The following SRCIN1 variants were observed in gnomAD, a reference collection of about 807,000 sequenced individuals.
SRCIN1 encodes SRC kinase signaling inhibitor 1, also known as P130Cas-associated protein.
In SRCIN1, 50 loss-of-function variants were observed where a neutral mutation model predicts 116.2. That is an observed-to-expected ratio of 0.43 (90% CI 0.34 to 0.54). SRCIN1 has a LOEUF of 0.54. Among genes scored for constraint, SRCIN1 ranks in the 20% least tolerant of loss-of-function variants. The pLI, the probability that SRCIN1 is intolerant of heterozygous loss-of-function variation, is 0.02. For missense variants in SRCIN1, 1,446 were observed against 1,672.0 expected (o/e 0.86, Z 2.36); for synonymous variants, 736 against 750.0 (o/e 0.98, Z 0.30).
At chr17:38,543,689 C>T in intron 18 of SRCIN1, 134 bp downstream of exon 18, 1 of 1,330,682 alleles carries the variant, frequency 7.5e-7, no homozygotes, top group Admixed American at 2.5e-5. Context: ...TGGGGCAGTC[C>T]TGGCAGGGAA....
chr17:38,589,322 G>A (rs1396251364), intron 1 of SRCIN1, among the ~76,000 whole-genome samples: 2 of 152,210 alleles, frequency 1.3e-5, no homozygotes, highest in African/African-American at 2.4e-5. Flanking sequence ...TAGATGCCAC[G>A]CAGACAGGGA....
At chr17:38,548,458 G>A (rs1046131210) in intron 17 of SRCIN1, 99 bp downstream of exon 17, 3 of 1,455,334 alleles carry the variant, frequency 2.1e-6, no homozygotes, top group South Asian at 2.4e-5. Flanking sequence ...GAGCCCGAGA[G>A]CCCATCTTCT....
rs1345289296 is a variant in SRCIN1 at position 38,568,678 on chromosome 17, G to A, written c.325-447C>T. ...GCTGGGCAGAGGGGAAGTGCCCAGGGGCAGACAAGTGGAGGGGGGTTGAGG... is the reference window on the plus strand; with the variant it reads ...GCTGGGCAGAGGGGAAGTGCCCAGGAGCAGACAAGTGGAGGGGGGTTGAGG... On this transcript the variant is annotated intron_variant, in intron 2 of 18. Coordinates refer to ENST00000617146, the MANE Select transcript of SRCIN1 (RefSeq NM_025248.3). This position sits in a 1 kb window ranked among gnomAD's most constrained non-coding sequence, Gnocchi z 4.5. Among the ~76,000 whole-genome samples, 3 of 152,124 alleles carry A rather than the reference G, an allele frequency of 2.0e-5. No individual in the cohort carries two copies. The highest frequency in any genetic ancestry group is 2.0e-4 in the Admixed American group (3 of 15,274).
At chr17:38,561,397 G>T in intron 7 of SRCIN1, 66 bp downstream of exon 7, 1 of 1,427,686 alleles carries the variant, frequency 7.0e-7, no homozygotes, top group Non-Finnish European at 9.1e-7. Context: ...CACGGACTCT[G>T]CTGTGAACCC....
At chr17:38,589,198 G>T (rs1355604839) in intron 1 of SRCIN1, among the ~76,000 whole-genome samples, 1 of 152,204 alleles carries the variant, frequency 6.6e-6, no homozygotes, top group Non-Finnish European at 1.5e-5. Context: ...TTACAGGCGT[G>T]AGCCACCGTG....
intron 15 of SRCIN1, 78 bp downstream of exon 15, chr17:38,551,077 C>G: frequency 1.3e-5 from 8 of 631,746 alleles, no homozygotes; most frequent in Non-Finnish European, 2.2e-5. Flanking sequence ...GATCCCAGTG[C>G]CTCCCCCATC....
At chr17:38,595,581 C>T (rs950408514) in intron 1 of SRCIN1, among the ~76,000 whole-genome samples, 1 of 152,184 alleles carries the variant, frequency 6.6e-6, no homozygotes, top group Non-Finnish European at 1.5e-5. Flanking sequence ...ATAAATGAAA[C>T]GAGATCACAA....
At chr17:38,590,259 A>G (rs1908368278) in intron 1 of SRCIN1, among the ~76,000 whole-genome samples, 1 of 152,146 alleles carries the variant, frequency 6.6e-6, no homozygotes, top group Non-Finnish European at 1.5e-5. Context: ...TTTTCTTGAG[A>G]CAGTCCTGCT....
chr17:38,570,939 A>G (rs1339639840), intron 2 of SRCIN1, among the ~76,000 whole-genome samples: 1 of 152,336 alleles, frequency 6.6e-6, no homozygotes, highest in East Asian at 1.9e-4. Context: ...TCAGGCTCTG[A>G]TCTATAGAGC....
intron 18 of SRCIN1, among the ~76,000 whole-genome samples, chr17:38,533,916 C>T (rs1231388104): frequency 6.6e-6 from 1 of 151,978 alleles, no homozygotes; most frequent in Non-Finnish European, 1.5e-5. Context: ...CTGGTGGCAA[C>T]AGAGGAGGGG....
At position 38,604,507 on chromosome 17, in the gene SRCIN1, C is replaced by T; in HGVS notation, c.22+1177G>A. On this transcript the variant is annotated intron_variant, in intron 1 of 18. Coordinates refer to ENST00000617146, the MANE Select transcript of SRCIN1 (RefSeq NM_025248.3). The surrounding 1 kb of genome is among the most constrained non-coding windows in gnomAD (Gnocchi z 4.3). Reference sequence around the variant, plus strand: ...GCTCCCCTCGGCCCCCAGGGTCCCTCGGTCCAGCCTCCTCCCTGGGAGAGC... The same window carrying T: ...GCTCCCCTCGGCCCCCAGGGTCCCTTGGTCCAGCCTCCTCCCTGGGAGAGC... 4.4e-6 allele frequency: 2 copies of T among 454,882 alleles called. No homozygotes were observed. Among genetic ancestry groups the T allele is most frequent in the South Asian group, 1.6e-5 (1 of 64,336 alleles). The allele number at this position is 454,882 out of a possible 1,614,324, so 28.2% of individuals were successfully genotyped here.
intron 1 of SRCIN1, among the ~76,000 whole-genome samples, chr17:38,591,393 G>A (rs978413598): frequency 6.6e-6 from 1 of 152,094 alleles, no homozygotes; most frequent in Non-Finnish European, 1.5e-5. Flanking sequence ...TCCTTCCTGT[G>A]TGGCCCAGCC....
chr17:38,580,812 T>G (rs1395502243), intron 1 of SRCIN1, among the ~76,000 whole-genome samples: 1 of 152,168 alleles, frequency 6.6e-6, no homozygotes, highest in Non-Finnish European at 1.5e-5. Context: ...AAGAACATTA[T>G]TTTATGTCTT....
chr17:38,561,786 G>A lies in SRCIN1; in HGVS notation c.1377C>T (p.Gly459=). 1 of 1,484,642 alleles carries A rather than the reference G, an allele frequency of 6.7e-7. No homozygotes were observed. Among genetic ancestry groups the A allele is most frequent in the Non-Finnish European group, 8.9e-7 (1 of 1,124,748 alleles). 92.0% of individuals were successfully genotyped at this position (1,484,642 alleles called of 1,614,324 possible). ...DSLYKAAGGG[G]PLYGDGYGFR... ...AGCCGTAGCCGTCGCCGTACAGCGG[G>A]CCGCCGCCGCCCGCCGCCTTGTACA... Residue 459 remains glycine, a synonymous_variant, in exon 7 of 19, where the codon GGC becomes GGT. Coordinates refer to ENST00000617146, the MANE Select transcript of SRCIN1 (RefSeq NM_025248.3).
chr17:38,604,105 C>T lies in SRCIN1; in HGVS notation c.22+1579G>A, dbSNP rs1187456745. ...GGGAAAGGGATGGGAATAAGAGAAA[C>T]TGAGGCAAGGAATTAGACAGCAAAG... On this transcript the variant is annotated intron_variant, in intron 1 of 18. Coordinates refer to ENST00000617146, the MANE Select transcript of SRCIN1 (RefSeq NM_025248.3). The surrounding 1 kb of genome is among the most constrained non-coding windows in gnomAD (Gnocchi z 4.3). 3.3e-5 allele frequency among the ~76,000 whole-genome samples: 5 copies of T among 152,158 alleles called. No homozygotes were observed. Among genetic ancestry groups the T allele is most frequent in the Middle Eastern group, 3.2e-3 (1 of 316 alleles).
rs533943931 is a variant in SRCIN1 at position 38,533,572 on chromosome 17, G to A, written c.3418-141C>T. 5.3e-5 allele frequency: 22 copies of A among 415,628 alleles called. No homozygotes were observed. In the East Asian group the frequency reaches 1.2e-3, roughly 22 times the overall value. The allele number at this position is 415,628 out of a possible 1,614,324, so 25.7% of individuals were successfully genotyped here. On this transcript the variant is annotated intron_variant, in intron 18 of 18. Coordinates refer to ENST00000617146, the MANE Select transcript of SRCIN1 (RefSeq NM_025248.3). The stretch of plus-strand genomic sequence containing the variant: ...AAAGGAAGAAGCCAGAGGGGCATCT[G>A]GAGAGAGGGGTCCCTTGAATGGTGG...
rs560033279 is a variant in SRCIN1, at chr17:38,582,778, C to T, written c.23-3987G>A. 4.2e-3 allele frequency among the ~76,000 whole-genome samples: 644 copies of T among 152,278 alleles called. 1 individual carries two copies. Among genetic ancestry groups the T allele is most frequent in the Non-Finnish European group, 6.8e-3 (462 of 68,024 alleles). ...AAGCTGAGGCTCGGGGAGAAGGGAA[C>T]GCCTGGGTAGCCTAGCTGTCCTGGC... On this transcript the variant is annotated intron_variant, in intron 1 of 18. Transcript: ENST00000617146.
chr17:38,543,053 C>T, intron 18 of SRCIN1: 1 of 456,632 alleles, frequency 2.2e-6, no homozygotes, highest in Non-Finnish European at 4.4e-6. Flanking sequence ...ACCCTGCAGC[C>T]TCTGACCAGG....
chr17:38,598,412 G>T (rs906477618), intron 1 of SRCIN1, among the ~76,000 whole-genome samples: 41 of 152,138 alleles, frequency 2.7e-4, no homozygotes, highest in African/African-American at 9.4e-4. Context: ...CATCCTAGGG[G>T]TGAGGGGAGA....
Sources: allele counts gnomAD v4.1 joint callset (sites outside exome capture counted in the v4.1 genomes callset), GRCh38; gene constraint gnomAD v4.1.1; non-coding constraint Gnocchi (gnomAD v3.1); transcripts MANE v1.5; gene names NCBI Gene and HGNC (gene_info 2026-07-23, HGNC 2026-07-21).